Variants in WDR41 observed in about 807,000 individuals in gnomAD.
WDR41 encodes WD repeat-containing protein 41.
In WDR41, 63 loss-of-function variants were observed where a neutral mutation model predicts 69.3. The ratio of observed to expected loss-of-function variants is 0.91; its 90% confidence interval spans 0.74 to 1.12. WDR41 has a LOEUF of 1.12. WDR41 is among the 50% of genes most tolerant of loss of function. The probability of loss-of-function intolerance (pLI) is 0.00; values close to 1 mark genes in which losing one functional copy is unlikely to be tolerated. For synonymous variants in WDR41, 185 were observed against 192.1 expected, an observed-to-expected ratio of 0.96 and a Z score of 0.31; for missense variants, 543 against 534.5, an observed-to-expected ratio of 1.02 and a Z score of -0.16.
intron 11 of WDR41, 89 bp from the exon 12 acceptor site, chr5:77,436,483 CCA>C: frequency 6.6e-7 from 1 of 1,523,044 alleles, no homozygotes; most frequent in Non-Finnish European, 8.9e-7. Flanking sequence ...TGAAGAGGTT[CCA>C]GACTTATTTT....
chr5:77,470,814 C>T (rs936138753), intron 2 of WDR41, among the ~76,000 whole-genome samples: 10 of 152,022 alleles, frequency 6.6e-5, no homozygotes, highest in African/African-American at 2.2e-4. Context: ...CTTAGACTCC[C>T]ACACAATAAT....
chr5:77,469,787 C>G (rs1176228670), intron 2 of WDR41, among the ~76,000 whole-genome samples: 2 of 151,850 alleles, frequency 1.3e-5, no homozygotes, highest in African/African-American at 4.8e-5. Context: ...GTGAAAAGAC[C>G]AAATCTACGT....
chr5:77,442,600 C>T (rs1294855489), intron 8 of WDR41, among the ~76,000 whole-genome samples: 1 of 151,650 alleles, frequency 6.6e-6, no homozygotes, highest in African/African-American at 2.4e-5. Flanking sequence ...GTTTTTAAAA[C>T]CTTTAAAAAA....
chr5:77,592,353 T>C (rs550486983), intron 1 of WDR41, among the ~76,000 whole-genome samples: 139 of 152,328 alleles, frequency 9.1e-4, no homozygotes, highest in African/African-American at 3.2e-3. Context: ...AAATCTCCCA[T>C]ATTAATTTAT....
At chr5:77,521,371 C>T (rs1434908982) in intron 1 of WDR41, among the ~76,000 whole-genome samples, 1 of 152,248 alleles carries the variant, frequency 6.6e-6, no homozygotes, top group Admixed American at 6.5e-5. Context: ...TGCCACTCAC[C>T]TCCTGCTGTG....
At chr5:77,488,769 G>C (rs1022674058) in intron 2 of WDR41, among the ~76,000 whole-genome samples, 1 of 152,104 alleles carries the variant, frequency 6.6e-6, no homozygotes, top group Admixed American at 6.6e-5. Context: ...GAAAAACATA[G>C]CCTCATTCTC....
At chr5:77,593,415 T>A (rs61040146) in intron 1 of WDR41, among the ~76,000 whole-genome samples, 1,727 of 152,148 alleles carry the variant, frequency 0.011, 31 homozygotes, top group African/African-American at 0.04. Context: ...TATGGCAGCA[T>A]TACAAAAGAC....
chr5:77,436,138 G>A, intron 12 of WDR41, 123 bp downstream of exon 12: 4 of 1,290,838 alleles, frequency 3.1e-6, no homozygotes, highest in East Asian at 2.5e-5. Context: ...TCCATGTTCA[G>A]ATCTGACAAA....
In WDR41 at chr5:77,451,362, A is replaced by G; in HGVS notation, c.524-9T>C. ...AACCAAAGCACTAATACCTCCAAAA[A>G]CATATAAAACAAAGTTCAAATTATT... On this transcript the variant is annotated splice_polypyrimidine_tract_variant and intron_variant, in intron 6 of 12. Transcript: ENST00000296679. 6.2e-7 allele frequency: 1 copy of G among 1,611,058 alleles called. No homozygotes were observed. Among genetic ancestry groups the G allele is most frequent in the South Asian group, 1.1e-5 (1 of 90,300 alleles).
intron 1 of WDR41, among the ~76,000 whole-genome samples, chr5:77,507,653 T>A (rs1802132519): frequency 6.6e-6 from 1 of 152,222 alleles, no homozygotes; most frequent in Admixed American, 6.5e-5. Flanking sequence ...ACGGCTGTAA[T>A]ATTAGGTGGA....
At position 77,506,730 on chromosome 5, in the gene WDR41, C is replaced by T. The variant is rs140409243; in HGVS notation, c.43-17158G>A. 6.8e-3 allele frequency among the ~76,000 whole-genome samples: 1,042 copies of T among 152,264 alleles called. 28 individuals carry two copies. Among genetic ancestry groups the T allele is most frequent in the East Asian group, 0.058 (302 of 5,184 alleles). On this transcript the variant is annotated intron_variant, in intron 1 of 5. Coordinates refer to the WDR41 transcript ENST00000509971. ...CCATAAAAAAGGATGAGATTATGTC[C>T]TTTGCAGGGACATGGACGAAGCTGG...
At chr5:77,543,047 G>A (rs1265039935) in intron 1 of WDR41, among the ~76,000 whole-genome samples, 1 of 152,180 alleles carries the variant, frequency 6.6e-6, no homozygotes, top group African/African-American at 2.4e-5. Context: ...AGATCCAGAA[G>A]AGAGATAACA....
chr5:77,526,209 T>G lies in WDR41; in HGVS notation c.43-36637A>C, dbSNP rs59386663. ...TTGTTTTATCCCTCTTTTTGTTCTT[T>G]CTTTTTCTTTGTTACTGCAAATATT... On this transcript the variant is annotated intron_variant, in intron 1 of 5. Coordinates refer to the WDR41 transcript ENST00000509971. Among the ~76,000 whole-genome samples, 604 of 152,304 alleles carry G rather than the reference T, an allele frequency of 4.0e-3. 8 individuals are homozygous for G. Among genetic ancestry groups the G allele is most frequent in the African/African-American group, 0.014 (586 of 41,586 alleles).
intron 1 of WDR41, among the ~76,000 whole-genome samples, chr5:77,575,171 T>C (rs371054282): frequency 1.3e-5 from 2 of 152,206 alleles, no homozygotes; most frequent in African/African-American, 2.4e-5. Flanking sequence ...GTAATGAACA[T>C]GCTTTCTTCC....
Position 77,598,644 on chromosome 5 carries a change from C to CTTTTTTTTTTTTTTT in WDR41, c.42+21834_42+21835insAAAAAAAAAAAAAAA. Among the ~76,000 whole-genome samples, 2 of 121,358 alleles carry CTTTTTTTTTTTTTTT rather than the reference C, an allele frequency of 1.6e-5. 1 individual carries two copies. The highest frequency in any genetic ancestry group is 3.5e-5 in the Non-Finnish European group (2 of 57,108). The allele number at this position is 121,358 out of a possible 152,430, so 79.6% of individuals were successfully genotyped here. A position where few individuals can be genotyped will look rare whatever the true frequency, so the allele number is the denominator to read the frequency against. ...GAAGTTATGTGAATCAGTAAGTTTCCTTTTTTTTTTTGTTTTTTTTGTAGC... is the reference window on the plus strand; with the variant it reads ...GAAGTTATGTGAATCAGTAAGTTTCCTTTTTTTTTTTTTTTTTTTTTTTTTTGTTTTTTTTGTAGC... On this transcript the variant is annotated intron_variant, in intron 1 of 5. Transcript: ENST00000509971.
chr5:77,467,544 A>G (rs1412675494), intron 2 of WDR41, among the ~76,000 whole-genome samples: 2 of 151,994 alleles, frequency 1.3e-5, no homozygotes, highest in African/African-American at 4.8e-5. Context: ...ATGTGTCCAA[A>G]TTTTAGAGAT....
intron 1 of WDR41, among the ~76,000 whole-genome samples, chr5:77,600,709 G>A (rs943794105): frequency 1.8e-4 from 27 of 151,972 alleles, no homozygotes; most frequent in Admixed American, 2.0e-4. Context: ...GTGAAACCCC[G>A]TCTCTACTAA....
At chr5:77,600,663 C>T (rs974740910) in intron 1 of WDR41, among the ~76,000 whole-genome samples, 3 of 152,046 alleles carry the variant, frequency 2.0e-5, no homozygotes, top group East Asian at 3.9e-4. Flanking sequence ...GGGTGGATCA[C>T]GAGGTCAGGA....
chr5:77,456,611 A>G (rs1346481820), intron 5 of WDR41, among the ~76,000 whole-genome samples: 1 of 152,188 alleles, frequency 6.6e-6, no homozygotes, highest in Non-Finnish European at 1.5e-5. Context: ...CTCCAGTACA[A>G]TGTTAAACAG....
Sources: allele counts gnomAD v4.1 joint callset (sites outside exome capture counted in the v4.1 genomes callset), GRCh38; gene constraint gnomAD v4.1.1; transcripts MANE v1.5; gene names NCBI Gene and HGNC (gene_info 2026-07-23, HGNC 2026-07-21).